The following EXOC6B variants were observed in gnomAD, a reference collection of about 807,000 sequenced individuals.
EXOC6B encodes the protein SEC15 homolog B.
Under a neutral mutation model 113.5 loss-of-function variants are expected in EXOC6B, and 54 were observed. The observed-to-expected ratio is 0.48, with a 90% CI of 0.38 to 0.60. The LOEUF (loss-of-function observed/expected upper bound fraction) is 0.60, where lower values mean the gene tolerates loss of function less well. Among genes scored for constraint, EXOC6B ranks in the 20% least tolerant of loss-of-function variants. The pLI is 0.00. For synonymous variants in EXOC6B, 357 were observed against 339.0 expected (o/e 1.05, Z -0.58); for missense variants, 797 against 977.5 (o/e 0.82, Z 2.46).
At chr2:72,379,636 A>C (rs1691561866) in intron 19 of EXOC6B, 93 bp downstream of exon 19, 1 of 1,285,336 alleles carries the variant, frequency 7.8e-7, no homozygotes, top group Non-Finnish European at 1.1e-6. Flanking sequence ...CTGCATTAGG[A>C]ACAAGGACCC....
intron 6 of EXOC6B, among the ~76,000 whole-genome samples, chr2:72,620,297 G>C (rs180743189): frequency 1.1e-3 from 161 of 152,266 alleles, no homozygotes; most frequent in Non-Finnish European, 1.9e-3. Flanking sequence ...TGTGGGTGGT[G>C]GGGGGCAGGG....
chr2:72,680,927 G>A (rs938880417), intron 6 of EXOC6B, among the ~76,000 whole-genome samples: 1 of 152,080 alleles, frequency 6.6e-6, no homozygotes, highest in Non-Finnish European at 1.5e-5. Flanking sequence ...TTAGTTAGAG[G>A]TTTATCGCTC....
chr2:72,336,696 A>C (rs1285536306), intron 19 of EXOC6B, among the ~76,000 whole-genome samples: 1 of 152,170 alleles, frequency 6.6e-6, no homozygotes, highest in Admixed American at 6.6e-5. Context: ...TGCCCAAGTG[A>C]TAACACTTTT....
chr2:72,821,444 T>C (rs1686577518), intron 1 of EXOC6B, among the ~76,000 whole-genome samples: 2 of 152,062 alleles, frequency 1.3e-5, no homozygotes, highest in Non-Finnish European at 2.9e-5. Flanking sequence ...AGAGTTACCT[T>C]ACAGCCTAGA....
chr2:72,512,054 C>G (rs905912285), intron 11 of EXOC6B, among the ~76,000 whole-genome samples: 5 of 152,064 alleles, frequency 3.3e-5, no homozygotes, highest in Non-Finnish European at 7.4e-5. Flanking sequence ...CTAAAATGAT[C>G]ATTTAATTGG....
At chr2:72,603,784 TGAGCCA>T (rs1351230090) in intron 6 of EXOC6B, among the ~76,000 whole-genome samples, 2 of 152,150 alleles carry the variant, frequency 1.3e-5, no homozygotes, top group African/African-American at 4.8e-5. Context: ...AACTGGAGGT[TGAGCCA>T]GTCAGCCATG....
chr2:72,647,726 T>C (rs957810134), intron 6 of EXOC6B, among the ~76,000 whole-genome samples: 1 of 152,190 alleles, frequency 6.6e-6, no homozygotes, highest in African/African-American at 2.4e-5. Context: ...TGGCTAGCTA[T>C]ACATAGAAAG....
intron 20 of EXOC6B, among the ~76,000 whole-genome samples, chr2:72,227,615 G>A (rs1374989824): frequency 1.3e-5 from 2 of 152,128 alleles, no homozygotes; most frequent in African/African-American, 4.8e-5. Flanking sequence ...TTTATCCACT[G>A]GATATGTAAC....
intron 18 of EXOC6B, among the ~76,000 whole-genome samples, chr2:72,414,746 T>A (rs1187036083): frequency 6.6e-6 from 1 of 152,222 alleles, no homozygotes; most frequent in Non-Finnish European, 1.5e-5. Flanking sequence ...AAGAATACGA[T>A]ACTCAACTCT....
intron 20 of EXOC6B, among the ~76,000 whole-genome samples, chr2:72,301,412 A>C (rs373573508): frequency 2.0e-5 from 3 of 152,188 alleles, no homozygotes; most frequent in East Asian, 3.9e-4. Context: ...GAATAGTTTC[A>C]GTAGGAATGT....
intron 16 of EXOC6B, 133 bp from the exon 17 acceptor site, chr2:72,480,883 T>C: frequency 1.2e-6 from 1 of 854,054 alleles, no homozygotes. Context: ...GCAAGGGGTA[T>C]GTTAAAGCAT....
intron 19 of EXOC6B, among the ~76,000 whole-genome samples, chr2:72,371,303 T>C (rs747072394): frequency 6.6e-6 from 1 of 152,158 alleles, no homozygotes; most frequent in South Asian, 2.1e-4. Context: ...CAAACTGTTC[T>C]GAAAAATTGA....
chr2:72,702,396 C>G (rs1678432407), intron 6 of EXOC6B, among the ~76,000 whole-genome samples: 3 of 132,254 alleles, frequency 2.3e-5, no homozygotes, highest in African/African-American at 8.8e-5. Context: ...GTGCATGTGT[C>G]TTTATAGCAG....
intron 18 of EXOC6B, among the ~76,000 whole-genome samples, chr2:72,459,457 C>G (rs1017244953): frequency 2.0e-5 from 3 of 152,172 alleles, no homozygotes; most frequent in Non-Finnish European, 2.9e-5. Flanking sequence ...TAGAAAAACC[C>G]ATTGTCTCAG....
intron 8 of EXOC6B, among the ~76,000 whole-genome samples, chr2:72,552,777 T>TA (rs1459053333): frequency 1.3e-5 from 2 of 151,840 alleles, no homozygotes; most frequent in African/African-American, 4.8e-5. Context: ...AACTAAAGAA[T>TA]AAATATATTA....
At chr2:72,723,774 A>G (rs956796456) in intron 5 of EXOC6B, among the ~76,000 whole-genome samples, 5 of 152,070 alleles carry the variant, frequency 3.3e-5, no homozygotes, top group African/African-American at 1.2e-4. Context: ...TCTAGCTACG[A>G]AAGCCTAACA....
intron 18 of EXOC6B, among the ~76,000 whole-genome samples, chr2:72,387,659 T>C (rs969763639): frequency 1.3e-5 from 2 of 152,174 alleles, no homozygotes; most frequent in African/African-American, 2.4e-5. Flanking sequence ...TTTACTTGAC[T>C]ATATATTTAG....
At chr2:72,565,469 A>G (rs1704115064) in intron 7 of EXOC6B, among the ~76,000 whole-genome samples, 1 of 152,016 alleles carries the variant, frequency 6.6e-6, no homozygotes, top group African/African-American at 2.4e-5. Context: ...AAAAGAGGCA[A>G]TTTTGCACTA....
chr2:72,393,229 G>A (rs1414562241), intron 18 of EXOC6B, among the ~76,000 whole-genome samples: 2 of 151,944 alleles, frequency 1.3e-5, no homozygotes, highest in Non-Finnish European at 2.9e-5. Context: ...AAGTAGCTGG[G>A]ACTACAGGCG....
Sources: allele counts gnomAD v4.1 joint callset (sites outside exome capture counted in the v4.1 genomes callset), GRCh38; gene constraint gnomAD v4.1.1; transcripts MANE v1.5; gene names NCBI Gene and HGNC (gene_info 2026-07-23, HGNC 2026-07-21).